Variants in OR9Q1 observed in about 807,000 individuals in gnomAD.
OR9Q1 encodes olfactory receptor 9Q1.
For missense variants in OR9Q1, 374 were observed against 378.8 expected, an observed-to-expected ratio of 0.99 and a Z score of 0.11; for synonymous variants, 153 against 148.6, an observed-to-expected ratio of 1.03 and a Z score of -0.22.
chr11:58,134,452 T>C (rs759241433), intron 2 of OR9Q1, among the ~76,000 whole-genome samples: 11 of 152,122 alleles, frequency 7.2e-5, no homozygotes, highest in Admixed American at 2.0e-4. Flanking sequence ...ATCTCTAGGA[T>C]GGGGCTGATG....
At chr11:58,075,957 CAT>C (rs1853535199) in intron 2 of OR9Q1, among the ~76,000 whole-genome samples, 1 of 152,192 alleles carries the variant, frequency 6.6e-6, no homozygotes, top group African/African-American at 2.4e-5. Context: ...ATCTATGACT[CAT>C]AGTACAAATC....
intron 2 of OR9Q1, among the ~76,000 whole-genome samples, chr11:58,135,659 A>AAT (rs1854182812): frequency 6.6e-6 from 1 of 152,224 alleles, no homozygotes; most frequent in African/African-American, 2.4e-5. Context: ...AAGACTTTAT[A>AAT]CATCTTTGTT....
At chr11:58,053,584 A>T (rs1366242390) in intron 1 of OR9Q1, among the ~76,000 whole-genome samples, 2 of 137,498 alleles carry the variant, frequency 1.5e-5, no homozygotes, top group African/African-American at 2.8e-5. Flanking sequence ...TGTACCCTAA[A>T]ACTTAAAGTA....
At chr11:58,065,611 G>T (rs1467921225) in intron 2 of OR9Q1, among the ~76,000 whole-genome samples, 1 of 152,166 alleles carries the variant, frequency 6.6e-6, no homozygotes, top group African/African-American at 2.4e-5. Context: ...GGGTGGGTCT[G>T]GGGCTACCTT....
intron 1 of OR9Q1, among the ~76,000 whole-genome samples, chr11:58,053,269 T>G (rs1453905064): frequency 2.0e-5 from 3 of 151,698 alleles, no homozygotes; most frequent in Non-Finnish European, 4.4e-5. Context: ...TATGTAGCCA[T>G]AAAAAATGAT....
intron 2 of OR9Q1, among the ~76,000 whole-genome samples, chr11:58,103,869 T>C (rs1411624313): frequency 1.3e-5 from 2 of 152,156 alleles, no homozygotes; most frequent in African/African-American, 4.8e-5. Flanking sequence ...TCCATATTAG[T>C]AGTGTTTGTG....
intron 2 of OR9Q1, among the ~76,000 whole-genome samples, chr11:58,140,036 A>G (rs112692613): frequency 0.031 from 4,660 of 152,198 alleles, 225 homozygotes; most frequent in African/African-American, 0.1. Flanking sequence ...CTGATGGCCA[A>G]TGATGATGAG....
chr11:58,142,841 C>T (rs1374380197), intron 2 of OR9Q1, among the ~76,000 whole-genome samples: 3 of 152,000 alleles, frequency 2.0e-5, no homozygotes, highest in Admixed American at 6.6e-5. Context: ...TGTGGAATAG[C>T]TTGATTCATG....
chr11:58,050,058 A>G (rs1440961741), intron 1 of OR9Q1, among the ~76,000 whole-genome samples: 1 of 18,190 alleles, frequency 5.5e-5, no homozygotes, highest in Non-Finnish European at 1.2e-4. Context: ...ATCCCCATCA[A>G]GCTACCAATG....
chr11:58,118,544 A>G (rs755778244), intron 2 of OR9Q1: 1 of 1,613,002 alleles, frequency 6.2e-7, no homozygotes, highest in Non-Finnish European at 8.5e-7. Context: ...ACCTTTCTGA[A>G]GGCGTCTTTT....
chr11:58,100,944 C>G (rs1231856685), intron 2 of OR9Q1, among the ~76,000 whole-genome samples: 1 of 151,912 alleles, frequency 6.6e-6, no homozygotes, highest in Non-Finnish European at 1.5e-5. Flanking sequence ...TTTTCTCATT[C>G]ATATGTGGGA....
rs113856637 is a variant in OR9Q1 at position 58,141,489 on chromosome 11, G to C, written c.-14-37942G>C. The stretch of plus-strand genomic sequence containing the variant: ...CTATTGAGATAATCATATGGTTTTT[G>C]TCATTGGTTCTGTTTATATGCTGGA... On this transcript the variant is annotated intron_variant, in intron 2 of 2. Transcript: ENST00000335397. Among the ~76,000 whole-genome samples, 43 of 152,262 alleles carry C rather than the reference G, an allele frequency of 2.8e-4. 1 individual carries two copies. Among genetic ancestry groups the C allele is most frequent in the African/African-American group, 8.7e-4 (36 of 41,536 alleles).
chr11:58,131,986 G>A (rs542711551), intron 2 of OR9Q1, among the ~76,000 whole-genome samples: 2 of 152,260 alleles, frequency 1.3e-5, no homozygotes, highest in African/African-American at 4.8e-5. Context: ...TGGCAAAACT[G>A]CAATTACTTT....
At chr11:58,034,735 T>TTTCTTTCCTTCCTTCCTTCC (rs1554964474) in intron 1 of OR9Q1, among the ~76,000 whole-genome samples, 2 of 111,404 alleles carry the variant, frequency 1.8e-5, no homozygotes, top group Non-Finnish European at 3.7e-5. Context: ...GGTTTCTTTC[T>TTTCTTTCCTTCCTTCCTTCC]TTCCTTCCTT....
chr11:58,031,834 CA>C, intron 1 of OR9Q1: 1 of 1,614,156 alleles, frequency 6.2e-7, no homozygotes. Context: ...CTCTCATCTA[CA>C]GTCTTAGGAA....
In OR9Q1 at chr11:58,179,686, T is replaced by C. The variant is rs781600602; in HGVS notation, c.242T>C (p.Met81Thr). The change falls in exon 3 of 3, where the codon ATG (methionine) becomes ACG (threonine). Residue 81 changes from methionine to threonine, a missense_variant. By Grantham distance (81) the Met-to-Thr change is moderately conservative (BLOSUM62 -1). Transcript: ENST00000335397. ...VCYSSITVPQ[M>T]LAVLLEHGAA... ...TACTCATCTATCACTGTCCCCCAGA[T>C]GCTGGCAGTGCTGCTGGAGCATGGG... 1.1e-5 allele frequency: 17 copies of C among 1,614,148 alleles called. No individual in the cohort carries two copies. Among genetic ancestry groups the C allele is most frequent in the Non-Finnish European group, 1.3e-5 (15 of 1,179,968 alleles).
chr11:58,084,361 A>G (rs1853615670), intron 2 of OR9Q1, among the ~76,000 whole-genome samples: 1 of 151,834 alleles, frequency 6.6e-6, no homozygotes, highest in African/African-American at 2.4e-5. Flanking sequence ...ACATCTTTAG[A>G]TGTGCAAAGA....
chr11:58,058,537 C>CA (rs1274026538), intron 2 of OR9Q1, among the ~76,000 whole-genome samples: 1 of 152,188 alleles, frequency 6.6e-6, no homozygotes, highest in Admixed American at 6.5e-5. Context: ...TGGGACCCAG[C>CA]ACCGAGGGGT....
chr11:58,140,786 A>T (rs1451828588), intron 2 of OR9Q1, among the ~76,000 whole-genome samples: 2 of 152,248 alleles, frequency 1.3e-5, no homozygotes, highest in East Asian at 3.9e-4. Context: ...TTTTGGTTCC[A>T]TATGAACTTT....
Sources: gnomAD v4.1 joint callset for allele counts (sites outside exome capture counted in the v4.1 genomes callset) on GRCh38, gnomAD v4.1.1 for gene constraint, MANE v1.5 for transcripts, NCBI Gene and HGNC (gene_info 2026-07-23, HGNC 2026-07-21) for gene names.